Variants in CACTIN observed in about 807,000 individuals in gnomAD.
CACTIN encodes the protein cactin, spliceosome C complex subunit, also known as splicing factor Cactin.
A neutral mutation model predicts 84.9 loss-of-function variants in CACTIN; 20 were observed. That is an observed-to-expected ratio of 0.24 (90% CI 0.17 to 0.34). CACTIN has a LOEUF of 0.34. CACTIN is among the 10% of genes least tolerant of loss of function. The pLI is 1.00. For missense variants in CACTIN, 897 were observed against 1,117.2 expected (o/e 0.80, Z 2.81); for synonymous variants, 549 against 467.9 (o/e 1.17, Z -2.24).
Position 3,612,316 on chromosome 19 carries a change from G to C in CACTIN, c.1884C>G (p.Thr628=), listed in dbSNP as rs1442229848. 6.2e-7 allele frequency: 1 copy of C among 1,612,674 alleles called. No individual in the cohort carries two copies. The highest frequency in any genetic ancestry group is 1.1e-5 in the South Asian group (1 of 91,088). ...EAQFSVEMPL[T]GKAYLWADKY... ...TGTCGGCCCACAGGTAGGCCTTGCC[G>C]GTGAGTGGCATCTCCACGCTGAACT... Residue 628 remains threonine, a synonymous_variant, in exon 10 of 10, where the codon ACC becomes ACG. Transcript: ENST00000429344.
intron 1 of CACTIN, 59 bp from the exon 2 acceptor site, chr19:3,624,221 T>A (rs2033288765): frequency 1.4e-6 from 2 of 1,435,918 alleles, no homozygotes; most frequent in Admixed American, 4.3e-5. Context: ...GCTCCACAGA[T>A]GCTTACTGGG....
At chr19:3,623,012 A>G (rs2145334314) in intron 2 of CACTIN, among the ~76,000 whole-genome samples, 1 of 152,052 alleles carries the variant, frequency 6.6e-6, no homozygotes, top group East Asian at 1.9e-4. Context: ...GAGGTGGGAA[A>G]ATCACTTGAG....
chr19:3,616,285 C>T (rs974147783), intron 6 of CACTIN: 1 of 152,206 alleles, frequency 6.6e-6, no homozygotes. Context: ...GCTAGGTGCA[C>T]CAAAATCTCA....
At position 3,611,645 on chromosome 19, in the gene CACTIN, C is replaced by T; in HGVS notation, c.*278G>A. On this transcript the variant is annotated 3_prime_UTR_variant, in exon 10 of 10. Transcript: ENST00000429344. The stretch of plus-strand genomic sequence containing the variant: ...GAGGTCAGCTGGCGGCTGCTGGCCA[C>T]CCTCGTGCTCGAAAGATGCCCCTAG... 1 of 478,132 alleles carries T rather than the reference C, an allele frequency of 2.1e-6. No individual in the cohort carries two copies. The highest frequency in any genetic ancestry group is 2.0e-5 in the South Asian group (1 of 49,814). The allele number at this position is 478,132 out of a possible 1,614,324, so 29.6% of individuals were successfully genotyped here.
chr19:3,620,999 C>A (rs2033212365), intron 2 of CACTIN, 197 bp from the exon 3 acceptor site: 2 of 690,490 alleles, frequency 2.9e-6, no homozygotes, highest in Non-Finnish European at 5.3e-6. Context: ...GGAGCCCCCA[C>A]TGGGAGTGAG....
chr19:3,614,692 CCTCTT>C, intron 6 of CACTIN, 103 bp from the exon 7 acceptor site: 1 of 886,144 alleles, frequency 1.1e-6, no homozygotes, highest in East Asian at 2.6e-5. Context: ...CCCCTCCCCT[CCTCTT>C]CCCCCACAGG....
chr19:3,612,333 C>A lies in CACTIN; in HGVS notation c.1867G>T (p.Val623Leu). Reference protein sequence around the residue: ...GMGQDEAQFSVEMPLTGKAYL... With the variant: ...GMGQDEAQFSLEMPLTGKAYL... ...GCCTTGCCGGTGAGTGGCATCTCCA[C>A]GCTGAACTGCGCCTCGTCCTGGCCC... The change falls in exon 10 of 10, where the codon GTG becomes TTG. Residue 623 changes from valine to leucine, a missense_variant. Val to Leu is a conservative substitution (Grantham distance 32). Transcript: ENST00000429344. 1 of 1,612,132 alleles carries A rather than the reference C, an allele frequency of 6.2e-7. No homozygotes were observed. The highest frequency in any genetic ancestry group is 8.5e-7 in the Non-Finnish European group (1 of 1,179,846).
Position 3,614,382 on chromosome 19 carries a change from G to A in CACTIN, c.1355+15C>T, listed in dbSNP as rs561050590. 28 of 1,559,430 alleles carry A rather than the reference G, an allele frequency of 1.8e-5. No homozygotes were observed. The highest frequency in any genetic ancestry group is 1.4e-4 in the East Asian group (6 of 41,562). ...CCGGACGGCACCAACCCTGGTACCC[G>A]CACCTAGTGCTCACCGGGCCCGTGC... On this transcript the variant is annotated intron_variant, in intron 7 of 9. Coordinates refer to ENST00000429344, the MANE Select transcript of CACTIN (RefSeq NM_001080543.2).
chr19:3,614,640 C>T (rs1599885582), intron 6 of CACTIN, 51 bp from the exon 7 acceptor site: 12 of 1,479,454 alleles, frequency 8.1e-6, no homozygotes, highest in African/African-American at 5.6e-5. Context: ...CCTACGTGCT[C>T]CTCCACCCCA....
chr19:3,620,352 C>T (rs1257995547), intron 3 of CACTIN, 80 bp from the exon 4 acceptor site: 1 of 1,438,400 alleles, frequency 7.0e-7, no homozygotes. Flanking sequence ...ATGATGGGGG[C>T]CCAGCCTTCA....
chr19:3,610,714 A>G lies in CACTIN; in HGVS notation c.*1209T>C, dbSNP rs1278782197. On this transcript the variant is annotated 3_prime_UTR_variant, in exon 10 of 10. Transcript: ENST00000429344. ...CAATAGGCCAATTCCATGAGAACAAAAGATTTTTTTTCCCACCTACAAGTC... is the reference window on the plus strand; with the variant it reads ...CAATAGGCCAATTCCATGAGAACAAGAGATTTTTTTTCCCACCTACAAGTC... 5 of 456,762 alleles carry G rather than the reference A, an allele frequency of 1.1e-5. No individual in the cohort carries two copies. The East Asian group carries it at 2.8e-4, about 25-fold the overall frequency. 28.3% of individuals were successfully genotyped at this position (456,762 alleles called of 1,614,324 possible).
rs183101097 is a variant in CACTIN, at chr19:3,623,567, G to A, written c.642+121C>T. The A allele has an allele frequency of 3.0e-3, 2,399 of 807,210 alleles. 11 individuals carry two copies. Among genetic ancestry groups the A allele is most frequent in the Non-Finnish European group, 3.3e-3 (1,712 of 516,100 alleles). 50.0% of individuals were successfully genotyped at this position (807,210 alleles called of 1,614,324 possible). A position where few individuals can be genotyped will look rare whatever the true frequency, so the allele number is the denominator to read the frequency against. On this transcript the variant is annotated intron_variant, in intron 2 of 9. Coordinates refer to ENST00000429344, the MANE Select transcript of CACTIN (RefSeq NM_001080543.2). ...GATAGCGGCAGAAGCTTGCTTATGC[G>A]TGTGTGTGTAAAACCAACTCTTGCA...
At chr19:3,612,632 C>G (rs1036507811) in intron 9 of CACTIN, among the ~76,000 whole-genome samples, 9 of 152,224 alleles carry the variant, frequency 5.9e-5, no homozygotes, top group Non-Finnish European at 1.2e-4. Context: ...TATCGTCCTC[C>G]TGGGTGGGGA....
Position 3,615,237 on chromosome 19 carries a change from C to T in CACTIN, c.1163-648G>A. 1 of 157,830 alleles carries T rather than the reference C, an allele frequency of 6.3e-6. No individual in the cohort carries two copies. The allele number at this position is 157,830 out of a possible 1,614,324, so 9.8% of individuals were successfully genotyped here. ...CTACCACTGGCCCAGGGGCCCGAGGCTCAAGTCCCTCCTCGATAGACGGGG... is the reference window on the plus strand; with the variant it reads ...CTACCACTGGCCCAGGGGCCCGAGGTTCAAGTCCCTCCTCGATAGACGGGG... On this transcript the variant is annotated intron_variant, in intron 6 of 9. Transcript: ENST00000429344. The surrounding 1 kb of genome is among the most constrained non-coding windows in gnomAD (Gnocchi z 5.2).
Position 3,620,433 on chromosome 19 carries a change from G to C in CACTIN, c.739-161C>G, listed in dbSNP as rs772035056. ...GGTGGACAGACCTTGGGAAGGGAGA[G>C]GGCCCTCCTGCCCGAGACTCAGCAG... is the stretch of plus-strand genomic sequence containing the variant. On this transcript the variant is annotated intron_variant, in intron 3 of 9. Transcript: ENST00000429344. 4 of 863,174 alleles carry C rather than the reference G, an allele frequency of 4.6e-6. No homozygotes were observed. In the South Asian group the frequency reaches 5.7e-5, roughly 12 times the overall value. 53.5% of individuals were successfully genotyped at this position (863,174 alleles called of 1,614,324 possible). A position where few individuals can be genotyped will look rare whatever the true frequency, so the allele number is the denominator to read the frequency against.
Position 3,626,723 on chromosome 19 carries a change from G to C in CACTIN, c.40C>G (p.Arg14Gly). ...DTRSRSRSAG[R>G]RGRRRQSQSG... ...TGACTCTGCCGCCTTCGGCCCCGGC[G>C]ACCCGCGGACCGCGAGCGCGAGCGT... The change falls in exon 1 of 10, where the codon CGC becomes GGC. Residue 14 changes from arginine to glycine, a missense_variant. Transcript: ENST00000429344. The C allele has an allele frequency of 6.7e-7, 1 of 1,493,002 alleles. No individual in the cohort carries two copies. The highest frequency in any genetic ancestry group is 8.9e-7 in the Non-Finnish European group (1 of 1,127,658). 92.5% of individuals were successfully genotyped at this position (1,493,002 alleles called of 1,614,324 possible). A position where few individuals can be genotyped will look rare whatever the true frequency, so the allele number is the denominator to read the frequency against.
At chr19:3,612,654 G>A (rs1008746053) in intron 9 of CACTIN, 7 of 719,286 alleles carry the variant, frequency 9.7e-6, no homozygotes, top group Admixed American at 4.2e-5. Context: ...CAAGCGCAGC[G>A]CGCTTCCCCG....
chr19:3,621,016 G>A (rs1317089071), intron 2 of CACTIN: 5 of 671,794 alleles, frequency 7.4e-6, no homozygotes, highest in Admixed American at 2.1e-5. Context: ...TGAGATGTAT[G>A]CAAAGGGTAA....
At chr19:3,623,221 C>T (rs1487399400) in intron 2 of CACTIN, among the ~76,000 whole-genome samples, 2 of 151,824 alleles carry the variant, frequency 1.3e-5, no homozygotes, top group African/African-American at 4.8e-5. Flanking sequence ...GGTGACAGAG[C>T]GAGACCCTGA....
Sources: gnomAD v4.1 joint callset for allele counts (sites outside exome capture counted in the v4.1 genomes callset) on GRCh38, gnomAD v4.1.1 for gene constraint, Gnocchi (gnomAD v3.1) non-coding constraint, MANE v1.5 for transcripts, NCBI Gene and HGNC (gene_info 2026-07-23, HGNC 2026-07-21) for gene names.